Variants in DCP1A observed in about 807,000 individuals in gnomAD.
DCP1A encodes mRNA-decapping enzyme 1A.
In DCP1A, 20 loss-of-function variants were observed where a neutral mutation model predicts 58.0. The observed-to-expected ratio is 0.34, with a 90% CI of 0.24 to 0.50. The LOEUF is 0.50. Ranked by LOEUF, DCP1A falls within the 20% of genes least tolerant of loss-of-function variation. The pLI, the probability that DCP1A is intolerant of heterozygous loss-of-function variation, is 0.98. For missense variants in DCP1A, 613 were observed against 712.2 expected (o/e 0.86, Z 1.59); for synonymous variants, 285 against 275.1 (o/e 1.04, Z -0.36).
At chr3:53,297,443 C>T (rs1559683902) in intron 6 of DCP1A, among the ~76,000 whole-genome samples, 1 of 151,744 alleles carries the variant, frequency 6.6e-6, no homozygotes. Context: ...TCACTGCAAC[C>T]TCCACCTCCT....
intron 3 of DCP1A, among the ~76,000 whole-genome samples, chr3:53,320,627 GC>G (rs1189241659): frequency 6.6e-6 from 1 of 152,044 alleles, no homozygotes; most frequent in Non-Finnish European, 1.5e-5. Flanking sequence ...AGATCTTGGT[GC>G]CCTATAAATT....
At position 53,312,398 on chromosome 3, in the gene DCP1A, G is replaced by A. The variant is rs782113418; in HGVS notation, c.372-19C>T. The A allele has an allele frequency of 2.6e-6, 4 of 1,543,656 alleles. No homozygotes were observed. The highest frequency in any genetic ancestry group is 2.5e-5 in the South Asian group (2 of 81,584). On this transcript the variant is annotated intron_variant, in intron 4 of 9. Transcript: ENST00000610213. ...TACCACACTAGAGGAGAAGAACAAGGTTTTAGAAAGGCCTCTTGAAACAAA... is the reference window on the plus strand; with the variant it reads ...TACCACACTAGAGGAGAAGAACAAGATTTTAGAAAGGCCTCTTGAAACAAA...
intron 4 of DCP1A, among the ~76,000 whole-genome samples, chr3:53,313,095 T>C (rs1707698176): frequency 6.6e-6 from 1 of 152,018 alleles, no homozygotes; most frequent in Non-Finnish European, 1.5e-5. Context: ...AAAGTTTGGA[T>C]TGACACTGGG....
intron 3 of DCP1A, among the ~76,000 whole-genome samples, chr3:53,336,584 A>G (rs1256543098): frequency 1.3e-5 from 2 of 152,152 alleles, no homozygotes; most frequent in African/African-American, 4.8e-5. Flanking sequence ...TTGTATATTT[A>G]GTAATTTTAG....
intron 6 of DCP1A, among the ~76,000 whole-genome samples, chr3:53,295,060 TC>T (rs1392167189): frequency 6.6e-6 from 1 of 152,032 alleles, no homozygotes; most frequent in Non-Finnish European, 1.5e-5. Flanking sequence ...AGGCAAGAGA[TC>T]CTGTGTCAGG....
At chr3:53,310,517 C>A (rs782523282) in intron 5 of DCP1A, among the ~76,000 whole-genome samples, 1 of 152,186 alleles carries the variant, frequency 6.6e-6, no homozygotes, top group Non-Finnish European at 1.5e-5. Flanking sequence ...GAGCCCTGGA[C>A]TTACTAGGTA....
chr3:53,312,286 G>T lies in DCP1A; in HGVS notation c.465C>A (p.Ile155=). 6.2e-7 allele frequency: 1 copy of T among 1,613,120 alleles called. No homozygotes were observed. Among genetic ancestry groups the T allele is most frequent in the Non-Finnish European group, 8.5e-7 (1 of 1,179,604 alleles). Residue 155 remains isoleucine, a synonymous_variant, in exon 5 of 10, where the codon ATC becomes ATA. Transcript: ENST00000610213. ...CTCTGCTCAGCATCTCCAGGATGTC[G>T]ATGGGCCTGTGGTCGCTGCAGCCAT... ...QANGCSDHRP[I]DILEMLSRAK...
In DCP1A at chr3:53,342,130, A is replaced by G. The variant is rs782109587; in HGVS notation, c.304+14T>C. On this transcript the variant is annotated intron_variant, in intron 3 of 9. Transcript: ENST00000610213. ...TTTTAAATGTAATAACTATAATAAA[A>G]CAGATATACTCACAGCTTGCATTTC... The G allele has an allele frequency of 4.2e-5, 66 of 1,584,096 alleles. 1 individual carries two copies. The Middle Eastern group carries it at 5.1e-4, about 12-fold the overall frequency.
chr3:53,344,912 C>T lies in DCP1A; in HGVS notation c.166G>A (p.Val56Ile), dbSNP rs781860038. The T allele has an allele frequency of 6.2e-6, 10 of 1,603,694 alleles. No individual in the cohort carries two copies. Among genetic ancestry groups the T allele is most frequent in the East Asian group, 2.2e-5 (1 of 44,688 alleles). Residue 56 changes from valine (V) to isoleucine (I), a missense_variant, in exon 2 of 10, where the codon GTA (valine) becomes ATA (isoleucine). Physicochemically the swap from Val to Ile is conservative, Grantham distance 29. This residue lies in a region of DCP1A where 65 missense variants were observed against 118.5 expected (regional missense o/e 0.55). Transcript: ENST00000610213. The part of the protein sequence containing the change: ...EKTDIEGTLF[V>I]YRRSASPYHG... ...ATTTTAAAAACTTACCTTCGATATA[C>T]GAATAAGGTCCCTTCTATATCAGTC... is the stretch of plus-strand genomic sequence containing the variant.
chr3:53,342,356 C>A, intron 2 of DCP1A, 85 bp from the exon 3 acceptor site: 1 of 1,073,770 alleles, frequency 9.3e-7, no homozygotes, highest in Non-Finnish European at 1.3e-6. Context: ...ATTTTCATTT[C>A]AAAAAAGAAT....
At chr3:53,318,500 A>G (rs1553689514) in intron 4 of DCP1A, among the ~76,000 whole-genome samples, 1 of 152,142 alleles carries the variant, frequency 6.6e-6, no homozygotes, top group Non-Finnish European at 1.5e-5. Flanking sequence ...ACTGAAAAAA[A>G]GCAGAGGTGC....
chr3:53,326,949 G>A (rs908702856), intron 3 of DCP1A, among the ~76,000 whole-genome samples: 5 of 151,214 alleles, frequency 3.3e-5, no homozygotes, highest in Non-Finnish European at 7.4e-5. Flanking sequence ...AAATGATTAC[G>A]GTTCTGCCAA....
chr3:53,336,874 ATTTATTTATTTATT>A (rs1345983310), intron 3 of DCP1A, among the ~76,000 whole-genome samples: 1 of 150,764 alleles, frequency 6.6e-6, no homozygotes, highest in African/African-American at 2.4e-5. Flanking sequence ...TTATTTATTT[ATTTATTTATTTATT>A]GAGATGGAGT....
intron 3 of DCP1A, among the ~76,000 whole-genome samples, chr3:53,331,106 C>T (rs2088991661): frequency 6.6e-6 from 1 of 152,118 alleles, no homozygotes; most frequent in South Asian, 2.1e-4. Context: ...ATCCGCCTGG[C>T]TTGGCCTCCC....
intron 5 of DCP1A, among the ~76,000 whole-genome samples, chr3:53,307,332 A>C (rs1264233678): frequency 1.3e-5 from 2 of 152,106 alleles, no homozygotes; most frequent in Non-Finnish European, 2.9e-5. Context: ...CCACTGCCCC[A>C]AGCCCCAGAT....
intron 8 of DCP1A, among the ~76,000 whole-genome samples, chr3:53,289,606 T>G (rs1706778255): frequency 6.6e-6 from 1 of 150,394 alleles, no homozygotes; most frequent in East Asian, 2.0e-4. Context: ...AGCAAGACTC[T>G]GCTTCCAAAA....
chr3:53,291,430 A>AT (rs1262290309), intron 7 of DCP1A, among the ~76,000 whole-genome samples: 6,460 of 142,084 alleles, frequency 0.045, 322 homozygotes, highest in African/African-American at 0.12. Flanking sequence ...TATTCATTCT[A>AT]TTTTTTTTTT....
chr3:53,336,934 C>T (rs1476687268), intron 3 of DCP1A, among the ~76,000 whole-genome samples: 1 of 151,742 alleles, frequency 6.6e-6, no homozygotes, highest in Non-Finnish European at 1.5e-5. Flanking sequence ...GCCAAGGGGC[C>T]ATCTAGGCTC....
At position 53,347,304 on chromosome 3, in the gene DCP1A, C is replaced by G. The variant is rs781934241; in HGVS notation, c.135+79G>C. ...GCCCTGGCCTCTTAGTGTGCCCCCCCACCCCACAGTAACCCGCGCGGCCCC... is the reference window on the plus strand; with the variant it reads ...GCCCTGGCCTCTTAGTGTGCCCCCCGACCCCACAGTAACCCGCGCGGCCCC... On this transcript the variant is annotated intron_variant, in intron 1 of 9. Coordinates refer to ENST00000610213, the MANE Select transcript of DCP1A (RefSeq NM_018403.7). 3.8e-4 allele frequency: 535 copies of G among 1,405,146 alleles called. 1 individual carries two copies. Among genetic ancestry groups the G allele is most frequent in the Middle Eastern group, 5.2e-4 (2 of 3,872 alleles). 87.0% of individuals were successfully genotyped at this position (1,405,146 alleles called of 1,614,324 possible).
Sources: gnomAD v4.1 joint callset for allele counts (sites outside exome capture counted in the v4.1 genomes callset) on GRCh38, gnomAD v4.1.1 for gene constraint, gnomAD v4.1.1 regional missense constraint, MANE v1.5 for transcripts, NCBI Gene and HGNC (gene_info 2026-07-23, HGNC 2026-07-21) for gene names.